The following IL23R variants were observed in gnomAD, a reference collection of about 807,000 sequenced individuals.
IL23R encodes interleukin-23 receptor.
In IL23R, 34 loss-of-function variants were observed where a neutral mutation model predicts 56.9. The observed-to-expected ratio is 0.60, with a 90% CI of 0.45 to 0.80. The LOEUF (loss-of-function observed/expected upper bound fraction) is 0.80, where lower values mean the gene tolerates loss of function less well. IL23R is among the 30% of genes least tolerant of loss of function. IL23R has a pLI of 0.00. For synonymous variants in IL23R, 230 were observed against 249.2 expected (o/e 0.92, Z 0.73); for missense variants, 635 against 730.0 (o/e 0.87, Z 1.50).
At chr1:67,145,201 GC>G (rs1045988237) in intron 1 of IL23R, among the ~76,000 whole-genome samples, 9 of 152,084 alleles carry the variant, frequency 5.9e-5, no homozygotes, top group African/African-American at 2.2e-4. Context: ...CAAAAAATTA[GC>G]CAGGCTTGGT....
intron 9 of IL23R, 118 bp from the exon 10 acceptor site, chr1:67,255,719 A>G: frequency 3.2e-6 from 2 of 618,714 alleles, no homozygotes; most frequent in Admixed American, 4.3e-5. Flanking sequence ...GATTACAGGC[A>G]TGAGCCACTG....
chr1:67,212,076 GAA>G (rs1357184758), intron 6 of IL23R, among the ~76,000 whole-genome samples: 1 of 119,750 alleles, frequency 8.4e-6, no homozygotes, highest in Non-Finnish European at 1.7e-5. Flanking sequence ...TTTAGAAAAT[GAA>G]AAGACAGGTT....
chr1:67,200,811 G>A lies in IL23R; in HGVS notation c.566G>A (p.Gly189Asp). Residue 189 changes from glycine (G) to aspartate (D), a missense_variant, in exon 5 of 11, where the codon GGC becomes GAC. By Grantham distance (94) the Gly-to-Asp change is moderately conservative (BLOSUM62 -1). Coordinates refer to ENST00000347310, the MANE Select transcript of IL23R (RefSeq NM_144701.3). ...INISTDSLQG[G>D]KKYLVWVQAA... ...ATCTCCACTGATTCATTACAAGGTG[G>A]CAAGAAGTACTTGGTTTGGGTCCAA... 1 of 1,614,058 alleles carries A rather than the reference G, an allele frequency of 6.2e-7. No homozygotes were observed. The highest frequency in any genetic ancestry group is 8.5e-7 in the Non-Finnish European group (1 of 1,180,006).
upstream of IL23R, among the ~76,000 whole-genome samples, chr1:67,161,878 G>A (rs528241735): frequency 1.4e-4 from 22 of 151,776 alleles, no homozygotes; most frequent in South Asian, 3.3e-3. Flanking sequence ...CACCTGCCTC[G>A]GCCAACAAAA....
intron 9 of IL23R, 79 bp from the exon 10 acceptor site, chr1:67,255,758 T>C (rs1337640977): frequency 2.6e-6 from 2 of 772,858 alleles, no homozygotes; most frequent in Non-Finnish European, 2.3e-6. Flanking sequence ...TGATTTTTAA[T>C]ATACATTTTA....
At chr1:67,229,244 A>G (rs1650939113) in intron 7 of IL23R, among the ~76,000 whole-genome samples, 2 of 152,208 alleles carry the variant, frequency 1.3e-5, no homozygotes, top group African/African-American at 4.8e-5. Context: ...GATTTGATCA[A>G]TTTGCTAGGA....
At chr1:67,264,983 C>T in the IL23R span, among the ~76,000 whole-genome samples, 1 of 152,172 alleles carries the variant, frequency 6.6e-6, no homozygotes, top group African/African-American at 2.4e-5. Flanking sequence ...AGAAGCATAA[C>T]TCTTTCCTGA....
At chr1:67,176,900 G>A (rs1049593093) in intron 3 of IL23R, among the ~76,000 whole-genome samples, 3 of 151,956 alleles carry the variant, frequency 2.0e-5, no homozygotes, top group Admixed American at 1.3e-4. Context: ...AGTTTGCTGA[G>A]AATGATGGTT....
At chr1:67,239,819 C>T (rs1294979365) in intron 8 of IL23R, among the ~76,000 whole-genome samples, 1 of 152,162 alleles carries the variant, frequency 6.6e-6, no homozygotes, top group Non-Finnish European at 1.5e-5. Flanking sequence ...CAGCTTTAGA[C>T]ATTGTTACAG....
chr1:67,215,095 A>G (rs1649745997), intron 6 of IL23R, among the ~76,000 whole-genome samples: 1 of 152,180 alleles, frequency 6.6e-6, no homozygotes, highest in East Asian at 1.9e-4. Flanking sequence ...GCCCTTTAAA[A>G]GGACAGAAAT....
At chr1:67,195,400 T>G (rs986234356) in intron 4 of IL23R, among the ~76,000 whole-genome samples, 5 of 152,246 alleles carry the variant, frequency 3.3e-5, no homozygotes, top group Admixed American at 6.5e-5. Context: ...AGAAGCCATC[T>G]ACTCTGTTTC....
chr1:67,164,562 G>A (rs1368154865), upstream of IL23R, among the ~76,000 whole-genome samples: 1 of 152,034 alleles, frequency 6.6e-6, no homozygotes, highest in Non-Finnish European at 1.5e-5. Context: ...AACCCAGGAG[G>A]CAGAGGTTGC....
chr1:67,140,629 T>TA (rs879730893), intron 1 of IL23R, among the ~76,000 whole-genome samples: 32 of 152,182 alleles, frequency 2.1e-4, no homozygotes, highest in Non-Finnish European at 3.8e-4. Flanking sequence ...GTAAAAACCT[T>TA]AAAAAATGTA....
chr1:67,174,653 C>T (rs1382951984), intron 3 of IL23R, among the ~76,000 whole-genome samples: 1 of 152,004 alleles, frequency 6.6e-6, no homozygotes, highest in Non-Finnish European at 1.5e-5. Context: ...ATTTAACAAA[C>T]ACTCAATATT....
At chr1:67,167,718 T>C (rs1164654272) in intron 1 of IL23R, among the ~76,000 whole-genome samples, 1 of 152,094 alleles carries the variant, frequency 6.6e-6, no homozygotes, top group Non-Finnish European at 1.5e-5. Flanking sequence ...AGCCTGGCCC[T>C]TGTCTCTAAA....
chr1:67,229,081 C>G (rs1388336959), intron 7 of IL23R, among the ~76,000 whole-genome samples: 1 of 152,208 alleles, frequency 6.6e-6, no homozygotes, highest in Non-Finnish European at 1.5e-5. Flanking sequence ...AGCTGTGTGT[C>G]CTCCAAGTCA....
At chr1:67,239,196 A>T (rs1030361562) in intron 8 of IL23R, among the ~76,000 whole-genome samples, 2 of 152,222 alleles carry the variant, frequency 1.3e-5, no homozygotes, top group African/African-American at 4.8e-5. Context: ...AATAAATTAT[A>T]TTAATTATTT....
chr1:67,141,264 T>G (rs1274080865), intron 1 of IL23R, among the ~76,000 whole-genome samples: 1 of 152,208 alleles, frequency 6.6e-6, no homozygotes, highest in Non-Finnish European at 1.5e-5. Flanking sequence ...GAAATATTTT[T>G]CTACTTTGTA....
At chr1:67,211,135 C>A (rs1649443189) in intron 6 of IL23R, among the ~76,000 whole-genome samples, 1 of 152,172 alleles carries the variant, frequency 6.6e-6, no homozygotes, top group African/African-American at 2.4e-5. Context: ...GATCCACGTT[C>A]TGCATCATTT....
Sources: gnomAD v4.1 joint callset for allele counts (sites outside exome capture counted in the v4.1 genomes callset) on GRCh38, gnomAD v4.1.1 for gene constraint, MANE v1.5 for transcripts, NCBI Gene and HGNC (gene_info 2026-07-23, HGNC 2026-07-21) for gene names.